Variants in KDR observed in about 807,000 individuals in gnomAD.
The protein encoded by KDR is vascular endothelial growth factor receptor 2.
A neutral mutation model predicts 160.9 loss-of-function variants in KDR; 43 were observed. The ratio of observed to expected loss-of-function variants is 0.27; its 90% CI spans 0.21 to 0.34. KDR has a LOEUF of 0.34. Ranked by LOEUF, KDR falls within the 10% of genes least tolerant of loss-of-function variation. The pLI is 1.00. For synonymous variants in KDR, 617 were observed against 600.1 expected (o/e 1.03, Z -0.41); for missense variants, 1,469 against 1,666.4 (o/e 0.88, Z 2.06).
At chr4:55,112,898 A>C (rs1720631163) in intron 7 of KDR, among the ~76,000 whole-genome samples, 1 of 152,162 alleles carries the variant, frequency 6.6e-6, no homozygotes, top group Non-Finnish European at 1.5e-5. Flanking sequence ...CCAATCCCTG[A>C]GTTGCTCACA....
intron 3 of KDR, among the ~76,000 whole-genome samples, chr4:55,117,921 T>C (rs928160069): frequency 3.9e-5 from 6 of 152,184 alleles, no homozygotes; most frequent in African/African-American, 1.4e-4. Context: ...TCATTATAAA[T>C]GCAGAATATG....
intron 5 of KDR, 36 bp from the exon 6 acceptor site, chr4:55,114,301 G>A (rs1203607228): frequency 2.6e-5 from 42 of 1,602,184 alleles, no homozygotes; most frequent in Non-Finnish European, 3.5e-5. Context: ...GAACATGAGA[G>A]AGCAAATAAG....
At chr4:55,082,688 C>A (rs974557653) in intron 27 of KDR, 53 bp from the exon 28 acceptor site, 3 of 1,345,080 alleles carry the variant, frequency 2.2e-6, no homozygotes, top group South Asian at 2.3e-5. Context: ...GACTGCAGAT[C>A]GGCTACCTAA....
intron 1 of KDR, among the ~76,000 whole-genome samples, chr4:55,124,120 G>A (rs1281025528): frequency 6.6e-6 from 1 of 152,190 alleles, no homozygotes; most frequent in Non-Finnish European, 1.5e-5. Context: ...AGTAACCATG[G>A]ACAGATGATC....
intron 26 of KDR, among the ~76,000 whole-genome samples, chr4:55,088,060 A>C (rs1396879014): frequency 6.6e-6 from 1 of 152,220 alleles, no homozygotes; most frequent in Non-Finnish European, 1.5e-5. Flanking sequence ...AAGGAGCTAC[A>C]TAGAACAAAA....
chr4:55,113,114 A>C (rs559227487), intron 7 of KDR, among the ~76,000 whole-genome samples, 190 bp downstream of exon 7: 1 of 152,358 alleles, frequency 6.6e-6, no homozygotes, highest in Non-Finnish European at 1.5e-5. Flanking sequence ...TCATCTTTAA[A>C]GTTGAGGTTT....
At position 55,079,447 on chromosome 4, in the gene KDR, T is replaced by C. The variant is rs1719668608; in HGVS notation, c.*494A>G. ...AAGGTAACGTTAGTCTTCCTTTCTA[T>C]CAATCCGAATTCCACACTTAAGGCT... On this transcript the variant is annotated 3_prime_UTR_variant, in exon 30 of 30. Coordinates refer to ENST00000263923, the MANE Select transcript of KDR (RefSeq NM_002253.4). 5 of 283,636 alleles carry C rather than the reference T, an allele frequency of 1.8e-5. No individual in the cohort carries two copies. The East Asian group carries it at 2.5e-4, about 14-fold the overall frequency. The allele number at this position is 283,636 out of a possible 1,614,324, so 17.6% of individuals were successfully genotyped here.
intron 9 of KDR, 122 bp from the exon 10 acceptor site, chr4:55,108,015 G>A (rs542302134): frequency 1.7e-5 from 17 of 1,024,968 alleles, no homozygotes; most frequent in Middle Eastern, 2.1e-4. Context: ...TTTCTTTTTC[G>A]AAGAACACCT....
At chr4:55,109,373 G>A (rs565503780) in intron 9 of KDR, among the ~76,000 whole-genome samples, 2 of 151,888 alleles carry the variant, frequency 1.3e-5, no homozygotes, top group Non-Finnish European at 2.9e-5. Flanking sequence ...GCAAACCACG[G>A]CACCCAGCCT....
intron 3 of KDR, among the ~76,000 whole-genome samples, chr4:55,117,597 T>C (rs73816225): frequency 0.019 from 2,862 of 152,304 alleles, 86 homozygotes; most frequent in African/African-American, 0.065. Flanking sequence ...ACTACTGAAA[T>C]GTAAGCAGAG....
At chr4:55,110,793 A>AG in intron 7 of KDR, 25 bp from the exon 8 acceptor site, 1 of 1,513,694 alleles carries the variant, frequency 6.6e-7, no homozygotes, top group Non-Finnish European at 9.1e-7. Flanking sequence ...AAAAAAAAAA[A>AG]GGTCAACTTA....
rs761330589 is a variant in KDR, at chr4:55,097,630, A to C, written c.2614+32T>G. On this transcript the variant is annotated intron_variant, in intron 18 of 29. Coordinates refer to ENST00000263923, the MANE Select transcript of KDR (RefSeq NM_002253.4). ...CATATTTAAAGACTAGATAAAACAG[A>C]AAGATAGATCACCACATAATTTTGC... 1.1e-5 allele frequency: 15 copies of C among 1,366,028 alleles called. 1 individual carries two copies. The highest frequency in any genetic ancestry group is 1.8e-4 in the Middle Eastern group (1 of 5,600). The allele number at this position is 1,366,028 out of a possible 1,614,324, so 84.6% of individuals were successfully genotyped here. A position where few individuals can be genotyped will look rare whatever the true frequency, so the allele number is the denominator to read the frequency against.
chr4:55,108,208 A>G (rs1720491242), intron 9 of KDR, among the ~76,000 whole-genome samples: 1 of 151,850 alleles, frequency 6.6e-6, no homozygotes, highest in Admixed American at 6.6e-5. Context: ...CAAAAAAAAA[A>G]AAAAGGAATA....
intron 3 of KDR, among the ~76,000 whole-genome samples, chr4:55,116,033 G>A (rs920943298): frequency 2.3e-4 from 35 of 152,252 alleles, no homozygotes; most frequent in African/African-American, 8.2e-4. Flanking sequence ...ATGTTTAATT[G>A]TTTTTGCATT....
At chr4:55,115,457 G>A (rs2110032156) in intron 3 of KDR, 46 bp from the exon 4 acceptor site, 1 of 1,079,566 alleles carries the variant, frequency 9.3e-7, no homozygotes, top group Non-Finnish European at 1.4e-6. Flanking sequence ...GTATTTACTA[G>A]AAAAGTTGGT....
rs940999335 is a variant in KDR, at chr4:55,115,503, G to A, written c.359-92C>T. Reference sequence around the variant, plus strand: ...GTTCCTAAACTCTAACCAGACAAGTGAATGACTGGAAGGGACACCTCACAC... The same window carrying A: ...GTTCCTAAACTCTAACCAGACAAGTAAATGACTGGAAGGGACACCTCACAC... On this transcript the variant is annotated intron_variant, in intron 3 of 29. Transcript: ENST00000263923. The A allele has an allele frequency of 6.2e-4, 450 of 731,114 alleles. 2 individuals carry two copies. Among genetic ancestry groups the A allele is most frequent in the South Asian group, 2.4e-4 (16 of 65,736 alleles). 45.3% of individuals were successfully genotyped at this position (731,114 alleles called of 1,614,324 possible).
chr4:55,117,848 G>A (rs1720772776), intron 3 of KDR, among the ~76,000 whole-genome samples: 1 of 152,214 alleles, frequency 6.6e-6, no homozygotes, highest in African/African-American at 2.4e-5. Context: ...CATTAGTTAA[G>A]TTAGGTTTTC....
At position 55,106,705 on chromosome 4, in the gene KDR, T is replaced by C; in HGVS notation, c.1518A>G (p.Leu506=). Residue 506 remains leucine (L), a synonymous_variant, in exon 11 of 30, where the codon CTA becomes CTG. Transcript: ENST00000263923. ...KIEVNKNQFA[L]IEGKNKTVST... ...AACTCACTTTGTTTTTTCCTTCAAT[T>C]AGAGCAAATTGATTTTTATTAACTT... is the stretch of plus-strand genomic sequence containing the variant. 1 of 1,576,210 alleles carries C rather than the reference T, an allele frequency of 6.3e-7. No homozygotes were observed. The highest frequency in any genetic ancestry group is 8.7e-7 in the Non-Finnish European group (1 of 1,145,702).
intron 29 of KDR, 87 bp from the exon 30 acceptor site, chr4:55,080,250 G>A: frequency 8.6e-7 from 1 of 1,165,378 alleles, no homozygotes. Flanking sequence ...AACTCCATAT[G>A]GCTGCCATCT....
Sources: gnomAD v4.1 joint callset for allele counts (sites outside exome capture counted in the v4.1 genomes callset) on GRCh38, gnomAD v4.1.1 for gene constraint, MANE v1.5 for transcripts, NCBI Gene and HGNC (gene_info 2026-07-23, HGNC 2026-07-21) for gene names.